TMTC1: variants seen among roughly 807,000 people sequenced by gnomAD.
TMTC1 encodes the protein protein O-mannosyl-transferase TMTC1.
In TMTC1, 73 loss-of-function variants were observed where a neutral mutation model predicts 104.8. The ratio of observed to expected loss-of-function variants is 0.70; its 90% CI spans 0.58 to 0.85. The LOEUF (loss-of-function observed/expected upper bound fraction) is 0.85. TMTC1 is among the 40% of genes least tolerant of loss of function. The probability of loss-of-function intolerance (pLI) is 0.00; values close to 1 mark genes in which losing one functional copy is unlikely to be tolerated. For synonymous variants in TMTC1, 434 were observed against 428.7 expected, an observed-to-expected ratio of 1.01 and a Z score of -0.15; for missense variants, 1,035 against 1,096.1, an observed-to-expected ratio of 0.94 and a Z score of 0.79.
At position 29,633,134 on chromosome 12, in the gene TMTC1, T is replaced by C. The variant is rs1431587740; in HGVS notation, c.1128+13A>G. The C allele has an allele frequency of 6.2e-7, 1 of 1,603,292 alleles. No homozygotes were observed. ...TTCAAATGCAGAGTTCATTCTACTTTTGAGAAAATTACCTTAAAGGCTGCT... is the reference window on the plus strand; with the variant it reads ...TTCAAATGCAGAGTTCATTCTACTTCTGAGAAAATTACCTTAAAGGCTGCT... On this transcript the variant is annotated intron_variant, in intron 6 of 17. Coordinates refer to ENST00000539277, the MANE Select transcript of TMTC1 (RefSeq NM_001193451.2).
At chr12:29,718,932 C>CAAAA (rs35351612) in intron 5 of TMTC1, among the ~76,000 whole-genome samples, 13 of 88,220 alleles carry the variant, frequency 1.5e-4, no homozygotes, top group South Asian at 3.9e-4. Context: ...GACTCCATCT[C>CAAAA]AAAAAAAAAA....
At chr12:29,727,750 C>A (rs1441838525) in intron 5 of TMTC1, among the ~76,000 whole-genome samples, 6 of 152,014 alleles carry the variant, frequency 3.9e-5, no homozygotes, top group African/African-American at 1.2e-4. Context: ...CTCAATTCTG[C>A]AGTTGTTGCA....
chr12:29,524,325 T>A (rs1373655772), intron 11 of TMTC1, among the ~76,000 whole-genome samples: 1 of 152,240 alleles, frequency 6.6e-6, no homozygotes, highest in Non-Finnish European at 1.5e-5. Context: ...CTTGTTTTAA[T>A]CAAGCAGTCT....
intron 5 of TMTC1, among the ~76,000 whole-genome samples, chr12:29,708,049 T>C (rs1941798167): frequency 6.6e-6 from 1 of 152,236 alleles, no homozygotes; most frequent in Non-Finnish European, 1.5e-5. Context: ...TCAAGGAATA[T>C]TGCTTAAGAT....
intron 7 of TMTC1, among the ~76,000 whole-genome samples, chr12:29,599,986 G>GTATATATATA (rs1946515959): frequency 1.0e-5 from 1 of 99,150 alleles, no homozygotes; most frequent in Non-Finnish European, 1.8e-5. Context: ...GTGTGTGTGT[G>GTATATATATA]TATATACATA....
chr12:29,509,203 G>A (rs981387783), intron 17 of TMTC1, among the ~76,000 whole-genome samples: 1 of 152,172 alleles, frequency 6.6e-6, no homozygotes, highest in Non-Finnish European at 1.5e-5. Context: ...ACTGTCATGA[G>A]GCAGTACTGA....
At position 29,501,807 on chromosome 12, in the gene TMTC1, T is replaced by C. The variant is rs1224455772; in HGVS notation, c.*5039A>G. ...AAAGATTTTAATTGAAAAGATCAAT[T>C]AAAATCAATATTTTAATATCAGCCA... On this transcript the variant is annotated 3_prime_UTR_variant, in exon 18 of 18. Coordinates refer to ENST00000539277, the MANE Select transcript of TMTC1 (RefSeq NM_001193451.2). 6.6e-6 allele frequency: 1 copy of C among 152,154 alleles called. No individual in the cohort carries two copies. Among genetic ancestry groups the C allele is most frequent in the African/African-American group, 2.4e-5 (1 of 41,442 alleles). The allele number at this position is 152,154 out of a possible 1,614,324, so 9.4% of individuals were successfully genotyped here. A position where few individuals can be genotyped will look rare whatever the true frequency, so the allele number is the denominator to read the frequency against.
chr12:29,735,834 T>C (rs1238108082), intron 5 of TMTC1, among the ~76,000 whole-genome samples: 2 of 152,122 alleles, frequency 1.3e-5, no homozygotes, highest in African/African-American at 4.8e-5. Flanking sequence ...GTAGCAGGTG[T>C]TGCCGTAGGT....
chr12:29,686,374 G>T (rs1941094127), intron 5 of TMTC1, among the ~76,000 whole-genome samples: 1 of 152,164 alleles, frequency 6.6e-6, no homozygotes, highest in Non-Finnish European at 1.5e-5. Flanking sequence ...CATACTACAT[G>T]CCAGTGCACC....
intron 10 of TMTC1, 26 bp downstream of exon 10, chr12:29,556,831 T>C (rs1945257370): frequency 6.2e-7 from 1 of 1,612,970 alleles, no homozygotes; most frequent in Non-Finnish European, 8.5e-7. Context: ...CAAGGCCACC[T>C]GATCGATGGT....
At chr12:29,756,527 A>G (rs1201292302) in intron 3 of TMTC1, among the ~76,000 whole-genome samples, 1 of 152,180 alleles carries the variant, frequency 6.6e-6, no homozygotes, top group African/African-American at 2.4e-5. Context: ...TCTTTTGGCT[A>G]AATTCATTTA....
chr12:29,506,759 T>C lies in TMTC1; in HGVS notation c.*87A>G. 1 of 1,511,758 alleles carries C rather than the reference T, an allele frequency of 6.6e-7. No homozygotes were observed. 93.6% of individuals were successfully genotyped at this position (1,511,758 alleles called of 1,614,324 possible). The stretch of plus-strand genomic sequence containing the variant: ...GAATGAGAGAAAATCTCATTAGTTG[T>C]GCCCCTGCTGATGTGAAAGCAAGGC... On this transcript the variant is annotated 3_prime_UTR_variant, in exon 18 of 18. Transcript: ENST00000539277.
chr12:29,755,767 C>T lies in TMTC1; in HGVS notation c.673G>A (p.Val225Met), dbSNP rs1212983730. The T allele has an allele frequency of 2.5e-6, 4 of 1,614,034 alleles. No individual in the cohort carries two copies. Among genetic ancestry groups the T allele is most frequent in the Non-Finnish European group, 3.4e-6 (4 of 1,180,018 alleles). The change falls in exon 4 of 18, where the codon GTG (valine) becomes ATG (methionine). Residue 225 changes from valine (V) to methionine (M), a missense_variant. Physicochemically the swap from Val to Met is conservative, Grantham distance 21. Coordinates refer to ENST00000539277, the MANE Select transcript of TMTC1 (RefSeq NM_001193451.2). ...TCATAAACCAAGCACACTCCAAACA[C>T]CGTGATGCCTGTCTCTTTCACCAGC... ...AMLVKETGIT[V>M]FGVCLVYDLF...
At chr12:29,737,582 C>A (rs903923274) in intron 5 of TMTC1, among the ~76,000 whole-genome samples, 5 of 152,170 alleles carry the variant, frequency 3.3e-5, no homozygotes, top group Admixed American at 6.5e-5. Flanking sequence ...AAAGGGGAAA[C>A]AGATTCCTGC....
intron 8 of TMTC1, 100 bp downstream of exon 8, chr12:29,583,307 A>AT: frequency 9.3e-7 from 1 of 1,076,210 alleles, no homozygotes. Context: ...AATTTTCCTT[A>AT]GTAAATACTG....
intron 6 of TMTC1, among the ~76,000 whole-genome samples, chr12:29,621,139 G>T (rs1039679418): frequency 5.9e-5 from 9 of 152,238 alleles, no homozygotes; most frequent in Non-Finnish European, 1.2e-4. Flanking sequence ...ATGTAGGCCA[G>T]AGGAAAAAAG....
chr12:29,779,880 A>G (rs1349230797), intron 1 of TMTC1, among the ~76,000 whole-genome samples: 1 of 152,248 alleles, frequency 6.6e-6, no homozygotes, highest in Non-Finnish European at 1.5e-5. Context: ...CACATTTACC[A>G]AACTCTTTGG....
intron 7 of TMTC1, among the ~76,000 whole-genome samples, chr12:29,602,472 T>C (rs1043403677): frequency 2.6e-5 from 4 of 152,192 alleles, no homozygotes; most frequent in Non-Finnish European, 5.9e-5. Flanking sequence ...CAATATGTCA[T>C]TGAGTTGGGT....
At chr12:29,778,876 T>G (rs1274473326) in intron 1 of TMTC1, among the ~76,000 whole-genome samples, 3 of 152,302 alleles carry the variant, frequency 2.0e-5, no homozygotes, top group Admixed American at 2.0e-4. Context: ...CTGTGTCTAT[T>G]ATCCAAGTTG....
Sources: allele counts gnomAD v4.1 joint callset (sites outside exome capture counted in the v4.1 genomes callset), GRCh38; gene constraint gnomAD v4.1.1; transcripts MANE v1.5; gene names NCBI Gene and HGNC (gene_info 2026-07-23, HGNC 2026-07-21).